Variants in DAPK2 observed in about 807,000 individuals in gnomAD.
The protein encoded by DAPK2 is death-associated protein kinase 2.
In DAPK2, 35 loss-of-function variants were observed where a neutral mutation model predicts 44.1. The observed-to-expected ratio is 0.79, with a 90% CI of 0.61 to 1.05. DAPK2 has a LOEUF of 1.05. DAPK2 is among the 50% of genes least tolerant of loss of function. The probability of loss-of-function intolerance (pLI) is 0.00; values close to 1 mark genes in which losing one functional copy is unlikely to be tolerated. For synonymous variants in DAPK2, 174 were observed against 182.6 expected, an observed-to-expected ratio of 0.95 and a Z score of 0.38; for missense variants, 453 against 483.2, an observed-to-expected ratio of 0.94 and a Z score of 0.59.
At chr15:63,943,685 C>T (rs954054297) in intron 3 of DAPK2, among the ~76,000 whole-genome samples, 9 of 149,588 alleles carry the variant, frequency 6.0e-5, no homozygotes, top group African/African-American at 2.2e-4. Context: ...CCAGCCTGGT[C>T]AACATGGTGA....
chr15:63,910,601 T>C (rs1232838239), intron 10 of DAPK2: 3 of 152,302 alleles, frequency 2.0e-5, no homozygotes, highest in Non-Finnish European at 4.4e-5. Context: ...AATGCAGTAG[T>C]GTGATCATAA....
chr15:64,045,122 C>T (rs185784096), upstream of DAPK2, among the ~76,000 whole-genome samples: 6 of 152,300 alleles, frequency 3.9e-5, no homozygotes, highest in African/African-American at 9.6e-5. Context: ...GCTAACAAAT[C>T]GGGAGGCCTC....
chr15:64,040,225 G>A, exon 1 of DAPK2: 2 of 1,613,924 alleles, frequency 1.2e-6, no homozygotes, highest in Middle Eastern at 1.6e-4. Flanking sequence ...TGCTTGAATG[G>A]CTCCATGTTT....
chr15:63,997,789 G>A (rs1168569678), intron 1 of DAPK2, among the ~76,000 whole-genome samples: 1 of 152,190 alleles, frequency 6.6e-6, no homozygotes, highest in Non-Finnish European at 1.5e-5. Flanking sequence ...AACCAGCAGT[G>A]CTCTGAGGGC....
rs920932979 is a variant in DAPK2 at position 63,997,030 on chromosome 15, A to G, written c.93-13276T>C. On this transcript the variant is annotated intron_variant, in intron 1 of 10. Coordinates refer to ENST00000261891, the Ensembl canonical transcript of DAPK2. ...CAGGTCCAAGTCCTCTTAGAAGCAC[A>G]TCTTCCTCTACACCTCTCCCATCCA... Among the ~76,000 whole-genome samples, 18 of 152,100 alleles carry G rather than the reference A, an allele frequency of 1.2e-4. No individual in the cohort carries two copies. The South Asian group carries it at 3.5e-3, about 30-fold the overall frequency.
chr15:64,024,152 G>A (rs1394599100), intron 1 of DAPK2, among the ~76,000 whole-genome samples: 1 of 152,212 alleles, frequency 6.6e-6, no homozygotes, highest in Non-Finnish European at 1.5e-5. Context: ...TTCCTTCTCT[G>A]TGCAGCAATT....
At chr15:63,925,676 G>GCGCGCGCA (rs1555463517) in intron 7 of DAPK2, among the ~76,000 whole-genome samples, 7 of 51,324 alleles carry the variant, frequency 1.4e-4, no homozygotes. Flanking sequence ...CTGACTTGTA[G>GCGCGCGCA]CGCACACACA....
chr15:63,962,915 C>T (rs1336899106), intron 3 of DAPK2, among the ~76,000 whole-genome samples: 1 of 152,254 alleles, frequency 6.6e-6, no homozygotes, highest in Non-Finnish European at 1.5e-5. Flanking sequence ...GAAGTTTCTG[C>T]TGCCTTTTAT....
chr15:63,956,842 C>T (rs1411220935), intron 3 of DAPK2, among the ~76,000 whole-genome samples: 1 of 152,208 alleles, frequency 6.6e-6, no homozygotes, highest in Admixed American at 6.5e-5. Context: ...CTGCCTCGGC[C>T]TCCCAAAGTG....
chr15:64,007,052 T>C (rs558963838), intron 1 of DAPK2, among the ~76,000 whole-genome samples: 1 of 152,140 alleles, frequency 6.6e-6, no homozygotes, highest in African/African-American at 2.4e-5. Context: ...GCTTTTTCAC[T>C]TTACAAGTGA....
chr15:63,991,561 GCTT>G (rs2078819580), intron 1 of DAPK2, among the ~76,000 whole-genome samples: 1 of 149,762 alleles, frequency 6.7e-6, no homozygotes, highest in African/African-American at 2.5e-5. Flanking sequence ...GAAAAGCTGT[GCTT>G]CTTTTGGAGA....
chr15:63,988,500 GC>G (rs2078725130), intron 1 of DAPK2, among the ~76,000 whole-genome samples: 1 of 150,588 alleles, frequency 6.6e-6, no homozygotes, highest in Non-Finnish European at 1.5e-5. Context: ...TTTACATCCA[GC>G]TTTTCCTTTT....
chr15:63,997,798 G>A lies in DAPK2; in HGVS notation c.93-14044C>T, dbSNP rs112944847. Among the ~76,000 whole-genome samples the A allele has an allele frequency of 5.7e-3, 873 of 152,274 alleles. 5 individuals carry two copies. Among genetic ancestry groups the A allele is most frequent in the African/African-American group, 0.02 (813 of 41,552 alleles). ...GAGGTTAACCAGCAGTGCTCTGAGG[G>A]CACGGAGGTCTCTGGAAAGGACTCC... On this transcript the variant is annotated intron_variant, in intron 1 of 10. Coordinates refer to ENST00000261891, the Ensembl canonical transcript of DAPK2.
At chr15:63,983,428 T>A (rs2078582188) in intron 2 of DAPK2, 105 bp downstream of exon 3, 9 of 1,016,018 alleles carry the variant, frequency 8.9e-6, no homozygotes, top group Non-Finnish European at 1.3e-5. Context: ...TGGGCTGAGC[T>A]TAGGCCTGGT....
At chr15:64,043,964 G>A (rs1211073149), upstream of DAPK2, among the ~76,000 whole-genome samples, 3 of 152,150 alleles carry the variant, frequency 2.0e-5, no homozygotes, top group Non-Finnish European at 4.4e-5. Flanking sequence ...TGCTCATCAG[G>A]TAAAACAACT....
intron 1 of DAPK2, among the ~76,000 whole-genome samples, chr15:64,004,675 A>G (rs1268485033): frequency 2.6e-5 from 4 of 152,174 alleles, no homozygotes; most frequent in Non-Finnish European, 1.5e-5. Flanking sequence ...CTCAGCTTGC[A>G]TAACAATAAT....
At chr15:64,031,924 T>G (rs1467402429) in intron 1 of DAPK2, among the ~76,000 whole-genome samples, 2 of 152,252 alleles carry the variant, frequency 1.3e-5, no homozygotes, top group African/African-American at 4.8e-5. Context: ...TGGGGAATCC[T>G]GGACATTCAT....
chr15:64,040,148 C>T, intron 1 of DAPK2, 22 bp downstream of exon 2: 2 of 1,597,456 alleles, frequency 1.3e-6, no homozygotes, highest in South Asian at 1.1e-5. Context: ...GGCATCCCCC[C>T]ACCTCTCACA....
At chr15:63,926,163 G>A in intron 6 of DAPK2, 70 bp from the exon 8 acceptor site, 1 of 1,530,964 alleles carries the variant, frequency 6.5e-7, no homozygotes, top group Non-Finnish European at 8.8e-7. Flanking sequence ...CGGACTCGGG[G>A]AACCCTGCCC....
Sources: gnomAD v4.1 joint callset for allele counts (sites outside exome capture counted in the v4.1 genomes callset) on GRCh38, gnomAD v4.1.1 for gene constraint, MANE v1.5 for transcripts, NCBI Gene and HGNC (gene_info 2026-07-23, HGNC 2026-07-21) for gene names.